Variants in CNTN4 observed in about 807,000 individuals in gnomAD.
CNTN4 encodes the protein contactin 4.
Under a neutral mutation model 122.5 loss-of-function variants are expected in CNTN4, and 77 were observed. That is an observed-to-expected ratio of 0.63 (90% CI 0.52 to 0.76). CNTN4 has a LOEUF of 0.76. Among genes scored for constraint, CNTN4 ranks in the 30% least tolerant of loss-of-function variants. The pLI, the probability that CNTN4 is intolerant of heterozygous loss-of-function variation, is 0.00. For missense variants in CNTN4, 1,256 were observed against 1,259.1 expected (o/e 1.00, Z 0.04); for synonymous variants, 512 against 447.0 (o/e 1.15, Z -1.83).
chr3:2,528,838 A>G (rs529032156), intron 3 of CNTN4, among the ~76,000 whole-genome samples: 69 of 152,142 alleles, frequency 4.5e-4, no homozygotes, highest in Admixed American at 9.8e-4. Flanking sequence ...CTGAGACATA[A>G]TTATATATAT....
chr3:2,354,295 C>T (rs1481900605), intron 3 of CNTN4, among the ~76,000 whole-genome samples: 2 of 152,262 alleles, frequency 1.3e-5, no homozygotes, highest in African/African-American at 4.8e-5. Flanking sequence ...CTTTGGGAGG[C>T]CGAGGCAGGC....
rs192393093 is a variant in CNTN4, at chr3:2,571,459, G to T, written c.-45G>T. On this transcript the variant is annotated 5_prime_UTR_variant, in exon 4 of 25. Transcript: ENST00000418658. ...CTTAAAAGAAGCAGCAATTCTATTCGCTTGTTATTGGACTTGAAACTCCCT... is the reference window on the plus strand; with the variant it reads ...CTTAAAAGAAGCAGCAATTCTATTCTCTTGTTATTGGACTTGAAACTCCCT... 3.5e-6 allele frequency: 5 copies of T among 1,412,316 alleles called. No individual in the cohort carries two copies. Among genetic ancestry groups the T allele is most frequent in the South Asian group, 2.3e-5 (2 of 86,940 alleles). The allele number at this position is 1,412,316 out of a possible 1,614,324, so 87.5% of individuals were successfully genotyped here. A position where few individuals can be genotyped will look rare whatever the true frequency, so the allele number is the denominator to read the frequency against.
At chr3:2,186,818 T>G (rs1471379165) in intron 2 of CNTN4, among the ~76,000 whole-genome samples, 1 of 152,232 alleles carries the variant, frequency 6.6e-6, no homozygotes, top group Non-Finnish European at 1.5e-5. Context: ...TTGTAGATTC[T>G]GGATATTAGC....
chr3:3,055,397 A>C (rs925135927), intron 24 of CNTN4, among the ~76,000 whole-genome samples: 1 of 152,212 alleles, frequency 6.6e-6, no homozygotes, highest in Admixed American at 6.5e-5. Context: ...ATATTGGTGT[A>C]ATTATTAGAT....
chr3:2,826,994 A>T (rs2093001476), intron 7 of CNTN4, among the ~76,000 whole-genome samples: 1 of 151,902 alleles, frequency 6.6e-6, no homozygotes, highest in Non-Finnish European at 1.5e-5. Context: ...TTTTAACCCC[A>T]CTCTAAACCT....
At chr3:2,801,217 A>G (rs1356849302) in intron 6 of CNTN4, among the ~76,000 whole-genome samples, 1 of 152,186 alleles carries the variant, frequency 6.6e-6, no homozygotes, top group Non-Finnish European at 1.5e-5. Flanking sequence ...TGAATGAATG[A>G]ATCTGGTTTT....
At chr3:2,712,990 T>C (rs2087244788) in intron 4 of CNTN4, among the ~76,000 whole-genome samples, 2 of 152,310 alleles carry the variant, frequency 1.3e-5, no homozygotes, top group South Asian at 4.1e-4. Context: ...CTTTGTGATA[T>C]CCTTTATGAT....
chr3:2,844,082 A>G (rs2093413374), intron 7 of CNTN4, among the ~76,000 whole-genome samples: 1 of 152,100 alleles, frequency 6.6e-6, no homozygotes, highest in Admixed American at 6.5e-5. Context: ...CGTCCCTCCT[A>G]GCAATGGGGC....
At chr3:2,837,118 A>G (rs1046844058) in intron 7 of CNTN4, among the ~76,000 whole-genome samples, 5 of 152,146 alleles carry the variant, frequency 3.3e-5, no homozygotes, top group Admixed American at 1.3e-4. Flanking sequence ...AATGGTTTCT[A>G]TGGTTGAATT....
At chr3:2,957,885 T>C (rs1050508105) in intron 13 of CNTN4, among the ~76,000 whole-genome samples, 3 of 152,324 alleles carry the variant, frequency 2.0e-5, no homozygotes, top group Non-Finnish European at 4.4e-5. Flanking sequence ...TTGTAAATAG[T>C]GCTGCGATGA....
At chr3:2,786,975 G>A (rs1179147585) in intron 6 of CNTN4, among the ~76,000 whole-genome samples, 2 of 152,044 alleles carry the variant, frequency 1.3e-5, no homozygotes, top group Non-Finnish European at 2.9e-5. Context: ...TTGTTTCTTG[G>A]CACTCATTCA....
chr3:2,632,103 TG>T lies in CNTN4; in HGVS notation c.55+60546del, dbSNP rs1343171565. Among the ~76,000 whole-genome samples the T allele has an allele frequency of 2.1e-5, 3 of 144,854 alleles. No homozygotes were observed. The East Asian group carries it at 6.0e-4, about 29-fold the overall frequency. ...ACACACACGTGTGTGTATGTATGTATGTATATATATATATAAACTTTGTTTA... is the reference window on the plus strand; with the variant it reads ...ACACACACGTGTGTGTATGTATGTATTATATATATATATAAACTTTGTTTA... On this transcript the variant is annotated intron_variant, in intron 4 of 24. Coordinates refer to ENST00000418658, the MANE Select transcript of CNTN4 (RefSeq NM_175607.3).
chr3:3,042,810 T>G, intron 21 of CNTN4, 167 bp from the exon 22 acceptor site: 3 of 650,330 alleles, frequency 4.6e-6, no homozygotes, highest in Non-Finnish European at 5.4e-6. Flanking sequence ...CTTCTTACTT[T>G]GGATAATTTC....
rs192909267 is a variant in CNTN4, at chr3:2,613,160, G to A, written c.55+41602G>A. Among the ~76,000 whole-genome samples the A allele has an allele frequency of 2.4e-3, 346 of 145,446 alleles. 1 individual carries two copies. The highest frequency in any genetic ancestry group is 4.3e-3 in the Non-Finnish European group (284 of 66,678). ...CTTAGTTTTACTTAAGATAGCTTCCGTAGTTCTAAGCACACGTGGAGACTC... is the reference window on the plus strand; with the variant it reads ...CTTAGTTTTACTTAAGATAGCTTCCATAGTTCTAAGCACACGTGGAGACTC... On this transcript the variant is annotated intron_variant, in intron 4 of 24. Coordinates refer to ENST00000418658, the MANE Select transcript of CNTN4 (RefSeq NM_175607.3).
chr3:2,450,093 G>A (rs141885713), intron 3 of CNTN4, among the ~76,000 whole-genome samples: 4 of 152,172 alleles, frequency 2.6e-5, no homozygotes, highest in East Asian at 1.9e-4. Flanking sequence ...GAAGCTGGGT[G>A]TGGTGGCTTA....
intron 5 of CNTN4, among the ~76,000 whole-genome samples, chr3:2,739,906 G>A (rs2089359786): frequency 6.6e-6 from 1 of 152,142 alleles, no homozygotes; most frequent in Non-Finnish European, 1.5e-5. Context: ...TGTCCTTGAT[G>A]GAAAGAACGT....
At chr3:2,638,293 C>T (rs145092873) in intron 4 of CNTN4, among the ~76,000 whole-genome samples, 1 of 152,260 alleles carries the variant, frequency 6.6e-6, no homozygotes, top group African/African-American at 2.4e-5. Flanking sequence ...GCCTCACCTT[C>T]AAACTCCTGG....
intron 3 of CNTN4, among the ~76,000 whole-genome samples, chr3:2,525,880 G>A (rs1394609918): frequency 4.6e-5 from 7 of 152,142 alleles, no homozygotes; most frequent in African/African-American, 7.2e-5. Context: ...GCACACACAT[G>A]CACAAACACA....
At chr3:2,299,423 G>C (rs966511225) in intron 2 of CNTN4, among the ~76,000 whole-genome samples, 7 of 152,008 alleles carry the variant, frequency 4.6e-5, no homozygotes. Flanking sequence ...CGTCACCCGA[G>C]TAGTGTACGT....
Sources: allele counts gnomAD v4.1 joint callset (sites outside exome capture counted in the v4.1 genomes callset), GRCh38; gene constraint gnomAD v4.1.1; transcripts MANE v1.5; gene names NCBI Gene and HGNC (gene_info 2026-07-23, HGNC 2026-07-21).